ACTR3C: variants seen among roughly 807,000 people sequenced by gnomAD.
ACTR3C encodes the protein actin-related protein 3C.
A neutral mutation model predicts 26.3 loss-of-function variants in ACTR3C; 18 were observed. That is an observed-to-expected ratio of 0.68 (90% CI 0.47 to 1.01). The LOEUF (loss-of-function observed/expected upper bound fraction) is 1.01. Ranked by LOEUF, ACTR3C falls within the 50% of genes least tolerant of loss-of-function variation. ACTR3C has a pLI of 0.00. For missense variants in ACTR3C, 184 were observed against 250.7 expected (o/e 0.73, Z 1.80); for synonymous variants, 55 against 94.5 (o/e 0.58, Z 2.42).
the ACTR3C span, among the ~76,000 whole-genome samples, chr7:149,954,787 T>C: frequency 2.0e-5 from 3 of 152,246 alleles, no homozygotes; most frequent in Non-Finnish European, 4.4e-5. Context: ...GGGAGTACGA[T>C]ATCTTTCAAT....
chr7:150,251,802 TTTTG>T (rs1203198480), intron 6 of ACTR3C, among the ~76,000 whole-genome samples: 6 of 152,144 alleles, frequency 3.9e-5, no homozygotes, highest in African/African-American at 1.4e-4. Flanking sequence ...GCCATTAGGT[TTTTG>T]TTTATTATCC....
At chr7:149,985,109 C>G in the ACTR3C span, among the ~76,000 whole-genome samples, 3 of 151,982 alleles carry the variant, frequency 2.0e-5, no homozygotes, top group African/African-American at 7.3e-5. Flanking sequence ...TTTCTTCAGT[C>G]ATATTCAGAT....
At chr7:150,111,466 ACT>A in the ACTR3C span, among the ~76,000 whole-genome samples, 8 of 89,582 alleles carry the variant, frequency 8.9e-5, 2 homozygotes, top group East Asian at 2.0e-3. Context: ...ACTCCCCCAC[ACT>A]CACACACTTG....
At chr7:150,027,977 C>G in the ACTR3C span, among the ~76,000 whole-genome samples, 1 of 151,644 alleles carries the variant, frequency 6.6e-6, no homozygotes, top group Non-Finnish European at 1.5e-5. Flanking sequence ...TTATGTACCC[C>G]ATAAATATAT....
At chr7:150,238,860 G>A in the ACTR3C span, among the ~76,000 whole-genome samples, 13,131 of 134,704 alleles carry the variant, frequency 0.097, 2,383 homozygotes, top group African/African-American at 0.3. Flanking sequence ...CTGAAGATAT[G>A]CATGTGCTTT....
chr7:150,035,216 A>C, the ACTR3C span, among the ~76,000 whole-genome samples: 1,468 of 62,818 alleles, frequency 0.023, 51 homozygotes, highest in Middle Eastern at 0.048. Flanking sequence ...GGTGCCTCCC[A>C]CCTCTGCCAT....
chr7:150,021,148 C>T, the ACTR3C span, among the ~76,000 whole-genome samples: 1 of 151,566 alleles, frequency 6.6e-6, no homozygotes, highest in African/African-American at 2.4e-5. Context: ...ATATTTTAAA[C>T]CCAGTTTTAC....
At chr7:150,047,559 G>T in the ACTR3C span, 21 of 978,262 alleles carry the variant, frequency 2.1e-5, no homozygotes, top group Admixed American at 5.9e-5. Context: ...CTCGCTGCGC[G>T]CTCAGCCCGG....
chr7:149,965,821 T>C, the ACTR3C span, among the ~76,000 whole-genome samples: 3 of 152,200 alleles, frequency 2.0e-5, no homozygotes, highest in Non-Finnish European at 4.4e-5. Flanking sequence ...TTTCCCCTAC[T>C]TAATGCCTTT....
the ACTR3C span, among the ~76,000 whole-genome samples, chr7:150,036,876 G>C: frequency 1.6e-5 from 2 of 127,342 alleles, 1 homozygote; most frequent in Non-Finnish European, 3.6e-5. Context: ...GGGGGATGAG[G>C]GTCTGGCTCT....
At chr7:150,077,163 CA>C in the ACTR3C span, among the ~76,000 whole-genome samples, 5 of 150,992 alleles carry the variant, frequency 3.3e-5, no homozygotes, top group African/African-American at 9.7e-5. Context: ...GAAACTCTGT[CA>C]AAAAAAAATT....
At chr7:150,256,598 C>T (rs1337322430) in intron 6 of ACTR3C, among the ~76,000 whole-genome samples, 1 of 152,154 alleles carries the variant, frequency 6.6e-6, no homozygotes, top group African/African-American at 2.4e-5. Flanking sequence ...GACACAGAAG[C>T]CTACTTGAGG....
chr7:150,196,011 C>T, the ACTR3C span, among the ~76,000 whole-genome samples: 4 of 152,274 alleles, frequency 2.6e-5, no homozygotes, highest in South Asian at 8.3e-4. Flanking sequence ...GCCTTTGGGA[C>T]CTTCTCCTAT....
At chr7:150,185,432 TC>T in the ACTR3C span, among the ~76,000 whole-genome samples, 3 of 152,166 alleles carry the variant, frequency 2.0e-5, no homozygotes, top group Non-Finnish European at 4.4e-5. Context: ...AGTAACAACA[TC>T]TCATAAATTA....
At chr7:149,921,645 G>A in the ACTR3C span, among the ~76,000 whole-genome samples, 1 of 152,164 alleles carries the variant, frequency 6.6e-6, no homozygotes, top group Admixed American at 6.5e-5. Flanking sequence ...GGGAGGCTGA[G>A]GCAGGCAGAT....
chr7:150,276,730 A>G (rs1584902361), intron 6 of ACTR3C, among the ~76,000 whole-genome samples: 1 of 152,196 alleles, frequency 6.6e-6, no homozygotes, highest in East Asian at 1.9e-4. Flanking sequence ...GCCTCTGCCC[A>G]GCTTCTCTCA....
the ACTR3C span, among the ~76,000 whole-genome samples, chr7:150,093,107 G>T: frequency 6.6e-6 from 1 of 151,372 alleles, no homozygotes. Flanking sequence ...CATCTAAAAT[G>T]GGGACAGGAA....
chr7:150,159,446 T>G, the ACTR3C span, among the ~76,000 whole-genome samples: 3 of 152,288 alleles, frequency 2.0e-5, no homozygotes, highest in Admixed American at 2.0e-4. Context: ...AAATGAAAAG[T>G]AGGCAAAGGC....
At chr7:150,227,325 C>T in the ACTR3C span, among the ~76,000 whole-genome samples, 1 of 151,334 alleles carries the variant, frequency 6.6e-6, no homozygotes, top group Non-Finnish European at 1.5e-5. Context: ...CCAGTAACTA[C>T]CTTTTTTCAT....
Sources: allele counts gnomAD v4.1 joint callset (sites outside exome capture counted in the v4.1 genomes callset), GRCh38; gene constraint gnomAD v4.1.1; transcripts MANE v1.5; gene names NCBI Gene and HGNC (gene_info 2026-07-23, HGNC 2026-07-21).